Variants in EPC1 observed in about 807,000 individuals in gnomAD.
EPC1 encodes the protein enhancer of polycomb homolog 1.
Under a neutral mutation model 98.4 loss-of-function variants are expected in EPC1, and 12 were observed. The ratio of observed to expected loss-of-function variants is 0.12; its 90% CI spans 0.08 to 0.20. The LOEUF is 0.20. EPC1 is among the 10% of genes least tolerant of loss of function. EPC1 has a pLI of 1.00. For missense variants in EPC1, 729 were observed against 990.5 expected, an observed-to-expected ratio of 0.74 and a Z score of 3.54; for synonymous variants, 357 against 363.9, an observed-to-expected ratio of 0.98 and a Z score of 0.21.
Position 32,334,543 on chromosome 10 carries a change from G to A in EPC1, c.153+12220C>T, listed in dbSNP as rs61463591. The stretch of plus-strand genomic sequence containing the variant: ...TGGTGATGTCAATGAAGTGACTTTC[G>A]AACAATAAGAACTCCTGCAAAAGTT... On this transcript the variant is annotated intron_variant, in intron 1 of 13. Coordinates refer to ENST00000319778, the MANE Select transcript of EPC1 (RefSeq NM_001272004.3). 6.2e-3 allele frequency among the ~76,000 whole-genome samples: 934 copies of A among 151,344 alleles called. 14 individuals are homozygous for A. The highest frequency in any genetic ancestry group is 0.021 in the African/African-American group (886 of 41,218).
intron 1 of EPC1, among the ~76,000 whole-genome samples, chr10:32,352,349 G>A (rs1327431138): frequency 6.6e-6 from 1 of 151,962 alleles, no homozygotes; most frequent in Admixed American, 6.6e-5. Context: ...GCCCCGCCCA[G>A]CTGTATTGAT....
At chr10:32,339,590 T>C (rs565531773) in intron 1 of EPC1, among the ~76,000 whole-genome samples, 29 of 152,282 alleles carry the variant, frequency 1.9e-4, no homozygotes, top group East Asian at 1.7e-3. Flanking sequence ...ACATAGTTTT[T>C]CACAATCATA....
chr10:32,362,870 C>G (rs1195868760), intron 1 of EPC1, among the ~76,000 whole-genome samples: 1 of 152,112 alleles, frequency 6.6e-6, no homozygotes, highest in Non-Finnish European at 1.5e-5. Flanking sequence ...AAGCAGTACC[C>G]TTAAGGCAGG....
chr10:32,305,455 T>C (rs2479336), intron 2 of EPC1, among the ~76,000 whole-genome samples: 69,334 of 151,842 alleles, frequency 0.46, 18,894 homozygotes, highest in East Asian at 0.72. Flanking sequence ...TTAAGACTAT[T>C]AATATTATTA....
At chr10:32,306,641 A>C (rs1342102124) in intron 1 of EPC1, among the ~76,000 whole-genome samples, 3 of 152,170 alleles carry the variant, frequency 2.0e-5, no homozygotes, top group African/African-American at 7.2e-5. Context: ...AGAAAAAAAG[A>C]ATCTACTGTA....
In EPC1 at chr10:32,346,962, C is replaced by T. The variant is rs755513532; in HGVS notation, c.-47G>A. 6.2e-7 allele frequency: 1 copy of T among 1,602,920 alleles called. No homozygotes were observed. Among genetic ancestry groups the T allele is most frequent in the Non-Finnish European group, 8.5e-7 (1 of 1,178,418 alleles). Reference sequence around the variant, plus strand: ...TCCGCTCTGGGGAAACGGCCCCGGCCAGCGGGATCATGGAGAACCGGGGGT... The same window carrying T: ...TCCGCTCTGGGGAAACGGCCCCGGCTAGCGGGATCATGGAGAACCGGGGGT... On this transcript the variant is annotated 5_prime_UTR_variant, in exon 1 of 14. Transcript: ENST00000319778.
intron 1 of EPC1, among the ~76,000 whole-genome samples, chr10:32,315,650 G>T (rs1836507361): frequency 6.6e-6 from 1 of 152,162 alleles, no homozygotes; most frequent in South Asian, 2.1e-4. Context: ...GGCCTGAGCT[G>T]AATTATTTTC....
At chr10:32,308,300 G>A (rs1043697886) in intron 1 of EPC1, among the ~76,000 whole-genome samples, 1 of 151,918 alleles carries the variant, frequency 6.6e-6, no homozygotes, top group African/African-American at 2.4e-5. Context: ...GAGGCAGGGA[G>A]AATCGCTTGA....
chr10:32,351,870 A>G (rs927507454), upstream of EPC1, among the ~76,000 whole-genome samples: 1 of 148,754 alleles, frequency 6.7e-6, no homozygotes, highest in African/African-American at 2.5e-5. Flanking sequence ...AGCTGGGATT[A>G]CAAGTGTGCG....
At chr10:32,326,787 T>C (rs10827043) in intron 1 of EPC1, among the ~76,000 whole-genome samples, 2,750 of 151,912 alleles carry the variant, frequency 0.018, 82 homozygotes, top group African/African-American at 0.062. Context: ...CTAACAGGTA[T>C]AGGAAAAAAT....
At chr10:32,330,619 A>T (rs1204043154) in intron 1 of EPC1, among the ~76,000 whole-genome samples, 1 of 152,190 alleles carries the variant, frequency 6.6e-6, no homozygotes, top group Non-Finnish European at 1.5e-5. Context: ...TGCTTAGTGA[A>T]AAATCCTGGA....
intron 1 of EPC1, among the ~76,000 whole-genome samples, chr10:32,329,991 A>C (rs1055738598): frequency 1.3e-5 from 2 of 152,228 alleles, no homozygotes; most frequent in Non-Finnish European, 2.9e-5. Flanking sequence ...CATGAGAATA[A>C]ATGAGAAATG....
chr10:32,306,208 A>C (rs758752644), intron 1 of EPC1, among the ~76,000 whole-genome samples: 27 of 152,248 alleles, frequency 1.8e-4, no homozygotes, highest in Non-Finnish European at 2.6e-4. Context: ...GTTGACAAAA[A>C]CAAAGCTTGC....
At chr10:32,270,990 A>T (rs1190074963) in intron 13 of EPC1, among the ~76,000 whole-genome samples, 2 of 113,822 alleles carry the variant, frequency 1.8e-5, no homozygotes, top group Non-Finnish European at 3.6e-5. Flanking sequence ...AACTGAGAGC[A>T]TTATACGCTT....
At position 32,369,381 on chromosome 10, in the gene EPC1, T is replaced by C. The variant is rs184780282; in HGVS notation, c.3+9110A>G. 1.6e-3 allele frequency among the ~76,000 whole-genome samples: 249 copies of C among 152,304 alleles called. 2 individuals are homozygous for C. Among genetic ancestry groups the C allele is most frequent in the African/African-American group, 5.8e-3 (240 of 41,572 alleles). ...GATACGACTCAATATCTAAGACAAG[T>C]AGGCCTTCAGAATACCTTTTTTTAA... On this transcript the variant is annotated intron_variant, in intron 1 of 13. Coordinates refer to the EPC1 transcript ENST00000375110.
At chr10:32,294,906 G>A (rs1286272777) in intron 2 of EPC1, among the ~76,000 whole-genome samples, 2 of 151,932 alleles carry the variant, frequency 1.3e-5, no homozygotes, top group African/African-American at 4.8e-5. Flanking sequence ...CATGCAGTAT[G>A]CTATTTCATG....
chr10:32,300,308 A>G (rs993470872), intron 2 of EPC1, among the ~76,000 whole-genome samples: 3 of 151,888 alleles, frequency 2.0e-5, no homozygotes, highest in Non-Finnish European at 4.4e-5. Context: ...GGTTTGTTAC[A>G]TATGTATACA....
At chr10:32,378,669 G>C in exon 1 of EPC1, 1 of 475,436 alleles carries the variant, frequency 2.1e-6, no homozygotes, top group Non-Finnish European at 3.8e-6. Flanking sequence ...GAATGGGGTG[G>C]CTTCCCCCAG....
intron 1 of EPC1, among the ~76,000 whole-genome samples, chr10:32,343,899 T>C (rs1252010659): frequency 6.6e-6 from 1 of 152,210 alleles, no homozygotes; most frequent in African/African-American, 2.4e-5. Flanking sequence ...CACATGACAA[T>C]TCTGCAGATT....
Sources: gnomAD v4.1 joint callset for allele counts (sites outside exome capture counted in the v4.1 genomes callset) on GRCh38, gnomAD v4.1.1 for gene constraint, MANE v1.5 for transcripts, NCBI Gene and HGNC (gene_info 2026-07-23, HGNC 2026-07-21) for gene names.